MPRIP: variants seen among roughly 807,000 people sequenced by gnomAD.
The protein encoded by MPRIP is myosin phosphatase Rho-interacting protein.
In MPRIP, 59 loss-of-function variants were observed where a neutral mutation model predicts 234.9. That is an observed-to-expected ratio of 0.25 (90% CI 0.20 to 0.31). The LOEUF is 0.31. MPRIP is among the 10% of genes least tolerant of loss of function. MPRIP has a pLI of 1.00. For missense variants in MPRIP, 2,436 were observed against 3,071.0 expected (o/e 0.79, Z 4.89); for synonymous variants, 1,144 against 1,263.9 (o/e 0.91, Z 2.01).
intron 3 of MPRIP, among the ~76,000 whole-genome samples, chr17:17,085,843 G>A (rs1198509811): frequency 6.6e-6 from 1 of 152,180 alleles, no homozygotes; most frequent in Admixed American, 6.5e-5. Flanking sequence ...ATCCCGGGAG[G>A]CAGAGCTTGC....
At chr17:17,141,353 C>T (rs2090812651) in intron 7 of MPRIP, 2 of 152,338 alleles carry the variant, frequency 1.3e-5, no homozygotes, top group Admixed American at 6.5e-5. Flanking sequence ...TTCCTGCTCT[C>T]ACAATGCCGC....
rs559738503 is a variant in MPRIP at position 17,057,311 on chromosome 17, C to T, written c.123+14340C>T. Among the ~76,000 whole-genome samples, 8 of 152,332 alleles carry T rather than the reference C, an allele frequency of 5.3e-5. No individual in the cohort carries two copies. The South Asian group carries it at 6.2e-4, about 12-fold the overall frequency. On this transcript the variant is annotated intron_variant, in intron 1 of 23. Transcript: ENST00000651222. ...GCCGCCATGAGGCAGTGTCACGGGG[C>T]GGTGCAGGGGTGGCTCAGCTGCTCG...
At chr17:17,075,873 G>A in intron 2 of MPRIP, 86 bp downstream of exon 2, 1 of 1,338,648 alleles carries the variant, frequency 7.5e-7, no homozygotes, top group East Asian at 2.3e-5. Context: ...GAGGGAGATG[G>A]AGAGTTGAAC....
At position 17,167,121 on chromosome 17, in the gene MPRIP, A is replaced by T; in HGVS notation, c.5530A>T (p.Ile1844Phe). The change falls in exon 16 of 24, where the codon ATT becomes TTT. Residue 1844 changes from isoleucine (I) to phenylalanine (F), a missense_variant. This residue lies in a region of MPRIP where 1,998 missense variants were observed against 2,520.3 expected (regional missense o/e 0.79). Transcript: ENST00000651222. This position sits in a 1 kb window ranked among gnomAD's most constrained non-coding sequence, Gnocchi z 5.9. ...TTCATTGTTGGTTCAGGATGCCATT[A>T]TTCAGGCCCAGGTTTGCTATGCGTC... ...YSSLLVQDAI[I>F]QAQVCYASCR... 7.7e-7 allele frequency: 1 copy of T among 1,304,116 alleles called. No homozygotes were observed. Among genetic ancestry groups the T allele is most frequent in the Non-Finnish European group, 1.0e-6 (1 of 988,940 alleles). 80.8% of individuals were successfully genotyped at this position (1,304,116 alleles called of 1,614,324 possible).
intron 18 of MPRIP, 71 bp from the exon 19 acceptor site, chr17:17,173,845 A>G: frequency 6.4e-7 from 1 of 1,568,688 alleles, no homozygotes; most frequent in Non-Finnish European, 8.8e-7. Flanking sequence ...TCTGGTGTCA[A>G]GGAGGGACAC....
At chr17:17,105,963 C>CA (rs1291684556) in intron 3 of MPRIP, among the ~76,000 whole-genome samples, 1 of 152,092 alleles carries the variant, frequency 6.6e-6, no homozygotes, top group Non-Finnish European at 1.5e-5. Flanking sequence ...AGCCGTAAGA[C>CA]AAAAAAACAT....
chr17:17,089,567 A>G (rs1170737262), intron 3 of MPRIP, among the ~76,000 whole-genome samples: 1 of 151,942 alleles, frequency 6.6e-6, no homozygotes, highest in Non-Finnish European at 1.5e-5. Context: ...TCCTGGGCCC[A>G]AGTGATCTTC....
intron 13 of MPRIP, among the ~76,000 whole-genome samples, chr17:17,156,792 G>C (rs566369903): frequency 1.1e-4 from 16 of 152,380 alleles, no homozygotes; most frequent in Admixed American, 8.5e-4. Context: ...GATCTGCCCT[G>C]TGTCGTTTTC....
chr17:17,082,138 T>C (rs191590388), intron 3 of MPRIP, among the ~76,000 whole-genome samples: 9 of 152,078 alleles, frequency 5.9e-5, no homozygotes, highest in Non-Finnish European at 1.3e-4. Context: ...TCACCAGACA[T>C]CACTAGAAGG....
rs540377720 is a variant in MPRIP, at chr17:17,072,137, A to T, written c.124-3573A>T. 7.9e-5 allele frequency among the ~76,000 whole-genome samples: 12 copies of T among 152,366 alleles called. No individual in the cohort carries two copies. The South Asian group carries it at 2.5e-3, about 32-fold the overall frequency. On this transcript the variant is annotated intron_variant, in intron 1 of 23. Coordinates refer to ENST00000651222, the MANE Select transcript of MPRIP (RefSeq NM_001364716.4). ...TGCGTGGGAGCCTCTGCCCGTGGGC[A>T]TTGCTGCACTTAAAGACACTGTGGT...
At chr17:17,151,060 AG>A (rs2045592363) in intron 12 of MPRIP, among the ~76,000 whole-genome samples, 1 of 148,578 alleles carries the variant, frequency 6.7e-6, no homozygotes, top group Non-Finnish European at 1.5e-5. Context: ...TTAGAGAGAC[AG>A]GGTTTCACCA....
intron 16 of MPRIP, 176 bp downstream of exon 16, chr17:17,168,091 C>T (rs1054366661): frequency 4.5e-6 from 2 of 449,094 alleles, no homozygotes; most frequent in African/African-American, 4.1e-5. Flanking sequence ...GCCTCTTGTT[C>T]GGCATCCCCC....
At chr17:17,115,654 AC>A (rs1449316428) in intron 3 of MPRIP, among the ~76,000 whole-genome samples, 4 of 151,318 alleles carry the variant, frequency 2.6e-5, no homozygotes, top group African/African-American at 9.7e-5. Context: ...CCCCAAACAA[AC>A]CCTGCATCCC....
intron 1 of MPRIP, among the ~76,000 whole-genome samples, chr17:17,059,520 G>A (rs2088808701): frequency 6.6e-6 from 1 of 152,202 alleles, no homozygotes; most frequent in South Asian, 2.1e-4. Context: ...GGGCCTGCTC[G>A]GCTGTGGCTG....
At chr17:17,080,759 A>C (rs1348503530) in intron 3 of MPRIP, among the ~76,000 whole-genome samples, 1 of 152,254 alleles carries the variant, frequency 6.6e-6, no homozygotes, top group Non-Finnish European at 1.5e-5. Flanking sequence ...ATTTATTTTT[A>C]AAAATGAAAA....
intron 13 of MPRIP, among the ~76,000 whole-genome samples, chr17:17,156,916 C>T (rs755131724): frequency 6.6e-5 from 10 of 152,208 alleles, no homozygotes; most frequent in East Asian, 1.9e-4. Flanking sequence ...CAGGTGGTGA[C>T]GGCAACCATT....
Position 17,066,723 on chromosome 17 carries a change from C to CTTTTTTTTTTTT in MPRIP, c.124-8952_124-8941dup, listed in dbSNP as rs34804730. 5.5e-4 allele frequency among the ~76,000 whole-genome samples: 20 copies of CTTTTTTTTTTTT among 36,688 alleles called. 6 individuals are homozygous for CTTTTTTTTTTTT. Among genetic ancestry groups the CTTTTTTTTTTTT allele is most frequent in the Non-Finnish European group, 1.2e-3 (20 of 16,614 alleles). The allele number at this position is 36,688 out of a possible 152,430, so 24.1% of individuals were successfully genotyped here. A position where few individuals can be genotyped will look rare whatever the true frequency, so the allele number is the denominator to read the frequency against. ...TCAAACCCACAGATACTTTTTTCAT[C>CTTTTTTTTTTTT]TTTTTTTTTTTTTTTTTTTTTTTTT... On this transcript the variant is annotated intron_variant, in intron 1 of 23. Coordinates refer to ENST00000651222, the MANE Select transcript of MPRIP (RefSeq NM_001364716.4).
intron 11 of MPRIP, among the ~76,000 whole-genome samples, chr17:17,148,647 A>G (rs2045530873): frequency 6.6e-6 from 1 of 152,220 alleles, no homozygotes; most frequent in African/African-American, 2.4e-5. Context: ...GCTGCATACT[A>G]GAGTGTGCAG....
chr17:17,082,923 T>C (rs770945112), intron 3 of MPRIP, among the ~76,000 whole-genome samples: 2 of 152,218 alleles, frequency 1.3e-5, no homozygotes, highest in Non-Finnish European at 2.9e-5. Flanking sequence ...TCATCCTGGT[T>C]GGTGTCAGAA....
Sources: allele counts gnomAD v4.1 joint callset (sites outside exome capture counted in the v4.1 genomes callset), GRCh38; gene constraint gnomAD v4.1.1; regional missense constraint gnomAD v4.1.1; non-coding constraint Gnocchi (gnomAD v3.1); transcripts MANE v1.5; gene names NCBI Gene and HGNC (gene_info 2026-07-23, HGNC 2026-07-21).